The following BZW2 variants were observed in gnomAD, a reference collection of about 807,000 sequenced individuals.
BZW2 encodes the protein eIF5-mimic protein 1.
A neutral mutation model predicts 53.2 loss-of-function variants in BZW2; 23 were observed. That is an observed-to-expected ratio of 0.43 (90% confidence interval 0.31 to 0.61). The LOEUF is 0.61. BZW2 is among the 20% of genes least tolerant of loss of function. BZW2 has a pLI of 0.09. For synonymous variants in BZW2, 227 were observed against 186.4 expected (o/e 1.22, Z -1.77); for missense variants, 409 against 503.1 (o/e 0.81, Z 1.79).
intron 10 of BZW2, among the ~76,000 whole-genome samples, chr7:16,699,916 T>C (rs954418723): frequency 6.6e-6 from 1 of 152,106 alleles, no homozygotes; most frequent in African/African-American, 2.4e-5. Flanking sequence ...AATTAGAAAA[T>C]AACTCAAGAA....
At chr7:16,697,923 A>G (rs1275400958) in intron 9 of BZW2, 125 bp from the exon 10 acceptor site, 9 of 1,189,950 alleles carry the variant, frequency 7.6e-6, no homozygotes, top group African/African-American at 1.5e-5. Context: ...TATGATGATA[A>G]AAGGTGTCAA....
intron 1 of BZW2, among the ~76,000 whole-genome samples, chr7:16,646,621 C>T (rs991311972): frequency 5.3e-5 from 8 of 152,168 alleles, no homozygotes; most frequent in Non-Finnish European, 1.2e-4. Flanking sequence ...GATGCGGCTC[C>T]CGGGGAGGCT....
chr7:16,666,890 C>T (rs1286785570), intron 2 of BZW2, among the ~76,000 whole-genome samples: 1 of 148,740 alleles, frequency 6.7e-6, no homozygotes, highest in Admixed American at 6.7e-5. Flanking sequence ...GATGGGATTA[C>T]AGGCATGAGC....
chr7:16,664,770 A>G (rs1383193543), intron 1 of BZW2, among the ~76,000 whole-genome samples: 2 of 152,188 alleles, frequency 1.3e-5, no homozygotes, highest in Non-Finnish European at 1.5e-5. Flanking sequence ...ATACAAGTAT[A>G]TTTGCATTCT....
chr7:16,693,735 G>A (rs147030665), intron 7 of BZW2, among the ~76,000 whole-genome samples: 5 of 152,310 alleles, frequency 3.3e-5, no homozygotes, highest in Non-Finnish European at 5.9e-5. Context: ...TATCAGTGAC[G>A]CAGTTTCAGT....
At chr7:16,681,095 G>A (rs1299797085) in intron 3 of BZW2, among the ~76,000 whole-genome samples, 1 of 152,094 alleles carries the variant, frequency 6.6e-6, no homozygotes, top group Non-Finnish European at 1.5e-5. Flanking sequence ...GGGTGACAGA[G>A]TGTGACTCCA....
chr7:16,695,102 C>A, intron 8 of BZW2, 98 bp downstream of exon 8: 1 of 1,156,020 alleles, frequency 8.7e-7, no homozygotes, highest in Non-Finnish European at 1.2e-6. Flanking sequence ...CTGTCCTATG[C>A]TTATTGCTGT....
chr7:16,673,759 C>G (rs994083633), intron 2 of BZW2, among the ~76,000 whole-genome samples: 9 of 151,934 alleles, frequency 5.9e-5, no homozygotes, highest in Non-Finnish European at 1.0e-4. Flanking sequence ...ACTTTGGAAT[C>G]CTAATTCCAA....
At chr7:16,677,383 T>A (rs1310236977) in intron 3 of BZW2, among the ~76,000 whole-genome samples, 2 of 152,152 alleles carry the variant, frequency 1.3e-5, no homozygotes, top group Non-Finnish European at 2.9e-5. Flanking sequence ...ATCCAGCTAG[T>A]CCTGTCTCTT....
chr7:16,684,120 C>G (rs1008146929), intron 5 of BZW2, among the ~76,000 whole-genome samples: 1 of 152,180 alleles, frequency 6.6e-6, no homozygotes, highest in African/African-American at 2.4e-5. Context: ...TCTATCTATA[C>G]AGTGGAATAC....
At chr7:16,697,875 T>A (rs1337802011) in intron 9 of BZW2, 173 bp from the exon 10 acceptor site, 15 of 698,886 alleles carry the variant, frequency 2.1e-5, no homozygotes, top group Non-Finnish European at 3.5e-5. Flanking sequence ...TACTGCTTTG[T>A]TCCTACTGTT....
chr7:16,670,528 A>G (rs11973867), intron 2 of BZW2, among the ~76,000 whole-genome samples: 15,929 of 152,280 alleles, frequency 0.1, 1,472 homozygotes, highest in African/African-American at 0.26. Context: ...ACAAGACTTA[A>G]TATAACAGCA....
chr7:16,661,556 T>G (rs1193534711), intron 1 of BZW2, among the ~76,000 whole-genome samples: 2 of 152,154 alleles, frequency 1.3e-5, no homozygotes, highest in Non-Finnish European at 2.9e-5. Context: ...TAAAAACCTT[T>G]CAATTTACAC....
At chr7:16,691,007 G>T (rs1202537381) in intron 7 of BZW2, among the ~76,000 whole-genome samples, 1 of 152,144 alleles carries the variant, frequency 6.6e-6, no homozygotes, top group Non-Finnish European at 1.5e-5. Flanking sequence ...ATAATTCTAA[G>T]ACTATCTCTT....
intron 2 of BZW2, among the ~76,000 whole-genome samples, chr7:16,667,142 C>T (rs570289216): frequency 3.9e-5 from 6 of 152,086 alleles, no homozygotes; most frequent in Admixed American, 2.0e-4. Context: ...ATTAGCCAGG[C>T]GTGGTGGCGC....
intron 4 of BZW2, 65 bp downstream of exon 4, chr7:16,681,469 C>A: frequency 7.8e-7 from 1 of 1,275,576 alleles, no homozygotes; most frequent in Non-Finnish European, 1.1e-6. Flanking sequence ...AGAAGCTCTA[C>A]AGTCCACCCA....
chr7:16,693,945 T>A (rs961273366), intron 7 of BZW2, among the ~76,000 whole-genome samples: 3 of 152,306 alleles, frequency 2.0e-5, no homozygotes, highest in African/African-American at 7.2e-5. Context: ...CTACTGAGGC[T>A]CTTTCTGGAA....
chr7:16,704,427 A>T, intron 10 of BZW2, 120 bp from the exon 11 acceptor site: 1 of 1,099,546 alleles, frequency 9.1e-7, no homozygotes, highest in South Asian at 2.4e-5. Flanking sequence ...CTCTCTTCTG[A>T]TAAGTAACAG....
rs980809935 is a variant in BZW2 at position 16,659,193 on chromosome 7, T to C, written c.-7-6244T>C. 3.9e-5 allele frequency among the ~76,000 whole-genome samples: 6 copies of C among 152,264 alleles called. No homozygotes were observed. The East Asian group carries it at 7.7e-4, about 20-fold the overall frequency. On this transcript the variant is annotated intron_variant, in intron 1 of 11. Coordinates refer to ENST00000258761, the MANE Select transcript of BZW2 (RefSeq NM_014038.3). Reference sequence around the variant, plus strand: ...GTGGACTCTTTACTTGTGCCAACTATCTACCTTATAAAGAGTTATTAAAGC... The same window carrying C: ...GTGGACTCTTTACTTGTGCCAACTACCTACCTTATAAAGAGTTATTAAAGC...
Sources: gnomAD v4.1 joint callset for allele counts (sites outside exome capture counted in the v4.1 genomes callset) on GRCh38, gnomAD v4.1.1 for gene constraint, MANE v1.5 for transcripts, NCBI Gene and HGNC (gene_info 2026-07-23, HGNC 2026-07-21) for gene names.